Variants in HAO1 observed in about 807,000 individuals in gnomAD.
HAO1 encodes 2-Hydroxyacid oxidase 1.
Under a neutral mutation model 39.7 loss-of-function variants are expected in HAO1, and 34 were observed. The ratio of observed to expected loss-of-function variants is 0.86; its 90% CI spans 0.65 to 1.14. The LOEUF is 1.14. HAO1 is among the 50% of genes most tolerant of loss of function. The pLI, the probability that HAO1 is intolerant of heterozygous loss-of-function variation, is 0.00. For synonymous variants in HAO1, 172 were observed against 173.2 expected, an observed-to-expected ratio of 0.99 and a Z score of 0.05; for missense variants, 479 against 464.5, an observed-to-expected ratio of 1.03 and a Z score of -0.29.
At chr20:7,909,212 A>G (rs1434532299) in intron 3 of HAO1, among the ~76,000 whole-genome samples, 1 of 151,826 alleles carries the variant, frequency 6.6e-6, no homozygotes, top group Non-Finnish European at 1.5e-5. Context: ...TCAGTGCACA[A>G]TGAAGCCTTG....
At chr20:7,924,896 A>G (rs2050352061) in intron 2 of HAO1, among the ~76,000 whole-genome samples, 1 of 152,184 alleles carries the variant, frequency 6.6e-6, no homozygotes, top group Non-Finnish European at 1.5e-5. Context: ...GCATTTTGTC[A>G]TCTGCACAGG....
chr20:7,936,978 C>A (rs985165383), intron 1 of HAO1, among the ~76,000 whole-genome samples: 1 of 152,136 alleles, frequency 6.6e-6, no homozygotes, highest in Non-Finnish European at 1.5e-5. Context: ...TCGGACTGTG[C>A]TTTCCTGGGC....
chr20:7,940,209 G>A (rs765657932), intron 1 of HAO1, 77 bp downstream of exon 1: 55 of 1,222,546 alleles, frequency 4.5e-5, no homozygotes, highest in South Asian at 1.3e-4. Flanking sequence ...CACCACCAAC[G>A]TAAAACTAGG....
intron 2 of HAO1, among the ~76,000 whole-genome samples, chr20:7,923,014 A>T (rs1002615836): frequency 1.3e-5 from 2 of 152,112 alleles, no homozygotes; most frequent in African/African-American, 4.8e-5. Flanking sequence ...CACATGTCCT[A>T]GGGTGGAAAA....
chr20:7,890,973 G>A (rs568260373), intron 5 of HAO1, among the ~76,000 whole-genome samples: 2 of 152,238 alleles, frequency 1.3e-5, no homozygotes, highest in South Asian at 2.1e-4. Context: ...TTGGTTCCAC[G>A]ACTTTGTAAT....
intron 4 of HAO1, among the ~76,000 whole-genome samples, chr20:7,895,908 A>C (rs2050195250): frequency 6.6e-6 from 1 of 151,722 alleles, no homozygotes; most frequent in African/African-American, 2.4e-5. Flanking sequence ...ACAAAAACAA[A>C]AACAAAATTA....
At chr20:7,912,471 G>GA (rs1175809766) in intron 3 of HAO1, among the ~76,000 whole-genome samples, 3 of 151,946 alleles carry the variant, frequency 2.0e-5, no homozygotes, top group Non-Finnish European at 4.4e-5. Flanking sequence ...GTAGTGTTAA[G>GA]AGATGGAGGA....
intron 1 of HAO1, among the ~76,000 whole-genome samples, chr20:7,937,722 G>C (rs1243702323): frequency 2.6e-5 from 4 of 152,154 alleles, no homozygotes; most frequent in Non-Finnish European, 5.9e-5. Context: ...ATGTGTAAGA[G>C]AAACAAATTA....
chr20:7,922,129 A>T (rs2050336281), intron 2 of HAO1, among the ~76,000 whole-genome samples: 1 of 152,144 alleles, frequency 6.6e-6, no homozygotes, highest in African/African-American at 2.4e-5. Context: ...AAGAAAAAAA[A>T]TTGGCAAAGG....
At chr20:7,906,614 A>T (rs2050249549) in intron 3 of HAO1, among the ~76,000 whole-genome samples, 1 of 152,218 alleles carries the variant, frequency 6.6e-6, no homozygotes, top group Non-Finnish European at 1.5e-5. Flanking sequence ...ATATTCAAAC[A>T]TCTCATTTTT....
At chr20:7,937,249 T>C (rs1006286926) in intron 1 of HAO1, among the ~76,000 whole-genome samples, 2 of 152,206 alleles carry the variant, frequency 1.3e-5, no homozygotes, top group Non-Finnish European at 2.9e-5. Context: ...CCCAGCTTTA[T>C]AACTGCATGC....
At chr20:7,891,001 T>TA (rs2050171825) in intron 5 of HAO1, among the ~76,000 whole-genome samples, 1 of 152,216 alleles carries the variant, frequency 6.6e-6, no homozygotes, top group African/African-American at 2.4e-5. Context: ...TGTGCTTCTA[T>TA]AAATATGTGT....
intron 3 of HAO1, among the ~76,000 whole-genome samples, chr20:7,908,474 C>T (rs940453693): frequency 6.6e-5 from 10 of 151,896 alleles, no homozygotes; most frequent in Non-Finnish European, 1.5e-4. Flanking sequence ...ATCATGACTT[C>T]CTTTAATAGA....
intron 3 of HAO1, among the ~76,000 whole-genome samples, chr20:7,913,548 A>G (rs2050290630): frequency 6.6e-6 from 1 of 152,218 alleles, no homozygotes; most frequent in Admixed American, 6.5e-5. Context: ...GAAAGAGATA[A>G]TAATTCACAG....
intron 2 of HAO1, among the ~76,000 whole-genome samples, chr20:7,925,963 T>G (rs941838333): frequency 6.6e-6 from 1 of 152,116 alleles, no homozygotes; most frequent in Non-Finnish European, 1.5e-5. Context: ...TGAAAATACT[T>G]TAGCAATGAA....
chr20:7,891,028 C>T (rs553337441), intron 5 of HAO1, among the ~76,000 whole-genome samples: 8 of 152,230 alleles, frequency 5.3e-5, no homozygotes, highest in Admixed American at 2.0e-4. Flanking sequence ...GTATCTTTTT[C>T]GAATAATGAC....
In HAO1 at chr20:7,885,547, T is replaced by C. The variant is rs1210953805; in HGVS notation, c.1016A>G (p.Glu339Gly). 1 of 1,611,922 alleles carries C rather than the reference T, an allele frequency of 6.2e-7. No homozygotes were observed. Among genetic ancestry groups the C allele is most frequent in the African/African-American group, 1.3e-5 (1 of 74,886 alleles). Reference sequence around the variant, plus strand: ...ACTCAGAGCCATGGCCAACCGGAATTCTTCCTTTAGTATCTCGAGGACATC... The same window carrying C: ...ACTCAGAGCCATGGCCAACCGGAATCCTTCCTTTAGTATCTCGAGGACATC... ...VQDVLEILKE[E>G]FRLAMALSGC... is the part of the protein sequence containing the mutation. The change falls in exon 7 of 8, where the codon GAA becomes GGA. Residue 339 changes from glutamate to glycine, a missense_variant. Glu to Gly is a moderately conservative substitution (Grantham distance 98). Transcript: ENST00000378789.
chr20:7,911,852 C>T (rs74830808), intron 3 of HAO1, among the ~76,000 whole-genome samples: 1,662 of 152,314 alleles, frequency 0.011, 31 homozygotes, highest in African/African-American at 0.036. Context: ...AGAAAGAAAC[C>T]GATTTCATAT....
intron 4 of HAO1, among the ~76,000 whole-genome samples, chr20:7,895,829 C>T (rs2050194877): frequency 1.3e-5 from 2 of 152,058 alleles, no homozygotes; most frequent in South Asian, 2.1e-4. Flanking sequence ...GGGCAGATCA[C>T]GAGGTCAGGA....
Sources: gnomAD v4.1 joint callset for allele counts (sites outside exome capture counted in the v4.1 genomes callset) on GRCh38, gnomAD v4.1.1 for gene constraint, MANE v1.5 for transcripts, NCBI Gene and HGNC (gene_info 2026-07-23, HGNC 2026-07-21) for gene names.